SGCD: variants seen among roughly 807,000 people sequenced by gnomAD.
SGCD encodes sarcoglycan delta.
Under a neutral mutation model 36.6 loss-of-function variants are expected in SGCD, and 18 were observed. The observed-to-expected ratio is 0.49, with a 90% CI of 0.34 to 0.73. SGCD has a LOEUF of 0.73. Ranked by LOEUF, SGCD falls within the 30% of genes least tolerant of loss-of-function variation. The pLI is 0.01. For missense variants in SGCD, 387 were observed against 346.7 expected, an observed-to-expected ratio of 1.12 and a Z score of -0.92; for synonymous variants, 133 against 130.6, an observed-to-expected ratio of 1.02 and a Z score of -0.12.
At chr5:155,774,100 A>G in the SGCD span, among the ~76,000 whole-genome samples, 1 of 152,126 alleles carries the variant, frequency 6.6e-6, no homozygotes, top group South Asian at 2.1e-4. Context: ...TTCAGTTAAC[A>G]TGTAAGAGAA....
chr5:155,886,413 C>A (rs1755999953), intron 1 of SGCD, among the ~76,000 whole-genome samples: 1 of 152,114 alleles, frequency 6.6e-6, no homozygotes, highest in South Asian at 2.1e-4. Flanking sequence ...GATCTTGGGT[C>A]ATATGTACAT....
At chr5:156,240,402 G>T (rs1188437310) in intron 3 of SGCD, among the ~76,000 whole-genome samples, 1 of 152,036 alleles carries the variant, frequency 6.6e-6, no homozygotes, top group Admixed American at 6.6e-5. Context: ...AAATAGAAAA[G>T]ATCATCTCTG....
intron 8 of SGCD, among the ~76,000 whole-genome samples, chr5:156,758,892 G>A (rs1326287437): frequency 6.6e-6 from 1 of 152,054 alleles, no homozygotes; most frequent in Non-Finnish European, 1.5e-5. Flanking sequence ...GTAGGATCTG[G>A]GAAGTCCCAT....
intron 3 of SGCD, among the ~76,000 whole-genome samples, chr5:156,198,788 T>C (rs1180359032): frequency 6.6e-6 from 1 of 152,140 alleles, no homozygotes; most frequent in East Asian, 1.9e-4. Context: ...TTTCAGGGAC[T>C]TGAGACACAT....
intron 3 of SGCD, among the ~76,000 whole-genome samples, chr5:156,471,961 C>T (rs527368873): frequency 6.7e-6 from 1 of 149,398 alleles, no homozygotes; most frequent in Admixed American, 6.6e-5. Context: ...AAGACTTAAA[C>T]ACTGCACAAA....
At chr5:155,955,140 C>G (rs1308661285) in intron 1 of SGCD, among the ~76,000 whole-genome samples, 1 of 152,096 alleles carries the variant, frequency 6.6e-6, no homozygotes, top group Non-Finnish European at 1.5e-5. Context: ...TTTTCTCAGT[C>G]TACTGATTCA....
chr5:155,753,485 T>C, the SGCD span, among the ~76,000 whole-genome samples: 20 of 152,334 alleles, frequency 1.3e-4, no homozygotes, highest in South Asian at 3.3e-3. Flanking sequence ...CAATGTGCTA[T>C]TTCAGGGAAG....
At chr5:156,538,319 T>C (rs187331855) in intron 4 of SGCD, among the ~76,000 whole-genome samples, 2 of 152,298 alleles carry the variant, frequency 1.3e-5, no homozygotes, top group African/African-American at 4.8e-5. Context: ...TCTGATTTTC[T>C]GTTTGTTGCT....
At chr5:155,959,520 C>G (rs1757747265) in intron 1 of SGCD, among the ~76,000 whole-genome samples, 1 of 152,060 alleles carries the variant, frequency 6.6e-6, no homozygotes, top group Non-Finnish European at 1.5e-5. Context: ...TAAGACTCCC[C>G]CAACATTATG....
At chr5:155,972,018 T>C (rs1165644328) in intron 1 of SGCD, among the ~76,000 whole-genome samples, 1 of 152,154 alleles carries the variant, frequency 6.6e-6, no homozygotes, top group East Asian at 1.9e-4. Context: ...TTCCCTCTTA[T>C]ATAGAAATTC....
the SGCD span, among the ~76,000 whole-genome samples, chr5:155,840,755 T>C: frequency 1.3e-5 from 2 of 150,844 alleles, no homozygotes; most frequent in Non-Finnish European, 3.0e-5. Flanking sequence ...CTCGTGCCTG[T>C]AATCCCAAAA....
At chr5:156,360,482 A>C (rs1769728641) in intron 3 of SGCD, among the ~76,000 whole-genome samples, 1 of 152,132 alleles carries the variant, frequency 6.6e-6, no homozygotes, top group Admixed American at 6.5e-5. Context: ...TCCTGACCTC[A>C]GGTGATCTGC....
chr5:156,183,161 G>A (rs544996370), intron 3 of SGCD, among the ~76,000 whole-genome samples: 12 of 152,188 alleles, frequency 7.9e-5, no homozygotes, highest in Non-Finnish European at 1.5e-4. Context: ...AGAAAGATAT[G>A]TGGAGCAGAG....
At chr5:156,753,471 A>C (rs1581532496) in intron 7 of SGCD, among the ~76,000 whole-genome samples, 1 of 152,350 alleles carries the variant, frequency 6.6e-6, no homozygotes, top group East Asian at 1.9e-4. Flanking sequence ...AGGTTGACGG[A>C]CATCACTTCA....
the SGCD span, among the ~76,000 whole-genome samples, chr5:155,842,297 G>T: frequency 6.9e-6 from 1 of 145,858 alleles, no homozygotes; most frequent in South Asian, 2.1e-4. Context: ...CTGACTGGCT[G>T]GGCACAGTGG....
exon 3 of SGCD, chr5:156,123,897 A>G (rs1197165692): frequency 1.3e-5 from 2 of 152,154 alleles, no homozygotes; most frequent in Non-Finnish European, 2.9e-5. Flanking sequence ...GAAGAAGGTT[A>G]TACTGGAACC....
At chr5:156,723,184 G>T (rs527369357) in intron 7 of SGCD, among the ~76,000 whole-genome samples, 1 of 152,246 alleles carries the variant, frequency 6.6e-6, no homozygotes, top group African/African-American at 2.4e-5. Context: ...GAATGAAAGG[G>T]AAGGAGCACC....
chr5:156,006,154 ATC>A (rs1432137955), intron 1 of SGCD, among the ~76,000 whole-genome samples: 1 of 152,192 alleles, frequency 6.6e-6, no homozygotes, highest in Non-Finnish European at 1.5e-5. Context: ...TGTTATTATT[ATC>A]ATTATATGAT....
intron 7 of SGCD, among the ~76,000 whole-genome samples, chr5:156,750,364 G>A (rs1757105441): frequency 6.6e-6 from 1 of 152,074 alleles, no homozygotes; most frequent in African/African-American, 2.4e-5. Context: ...GTTCTAGACA[G>A]TATAGTAAAA....
Sources: gnomAD v4.1 joint callset for allele counts (sites outside exome capture counted in the v4.1 genomes callset) on GRCh38, gnomAD v4.1.1 for gene constraint, MANE v1.5 for transcripts, NCBI Gene and HGNC (gene_info 2026-07-23, HGNC 2026-07-21) for gene names.